The following CA12 variants were observed in gnomAD, a reference collection of about 807,000 sequenced individuals.
CA12 encodes carbonic anhydrase 12, also known as carbonate dehydratase XII.
A neutral mutation model predicts 46.8 loss-of-function variants in CA12; 36 were observed. That is an observed-to-expected ratio of 0.77 (90% CI 0.59 to 1.02). CA12 has a LOEUF of 1.02. Ranked by LOEUF, CA12 falls within the 50% of genes least tolerant of loss-of-function variation. The probability of loss-of-function intolerance (pLI) is 0.00; values close to 1 mark genes in which losing one functional copy is unlikely to be tolerated. For missense variants in CA12, 436 were observed against 451.4 expected (o/e 0.97, Z 0.31); for synonymous variants, 202 against 187.0 (o/e 1.08, Z -0.65).
intron 1 of CA12, among the ~76,000 whole-genome samples, chr15:63,381,061 CGTGT>C (rs371089894): frequency 1.3e-5 from 2 of 151,272 alleles, no homozygotes; most frequent in East Asian, 3.9e-4. Flanking sequence ...TGCGCGCGTG[CGTGT>C]GTGTGTGTAC....
chr15:63,368,200 G>A (rs1439998106), intron 2 of CA12, among the ~76,000 whole-genome samples: 1 of 152,198 alleles, frequency 6.6e-6, no homozygotes, highest in Non-Finnish European at 1.5e-5. Context: ...CCCAATTTCA[G>A]AGATGCTAAA....
rs2038865710 is a variant in CA12, at chr15:63,326,296, C to T, written c.1054G>A (p.Ala352Thr). The T allele has an allele frequency of 5.0e-6, 8 of 1,613,808 alleles. No individual in the cohort carries two copies. The highest frequency in any genetic ancestry group is 2.7e-5 in the African/African-American group (2 of 74,896). ...GAGCTCCGGGGACCTCAAGCGTGGG[C>T]CTCAGTCTCCATCTTGGTGGCTGGC... Reference protein sequence around the residue: ...YKPATKMETEAHA With the variant: ...YKPATKMETETHA Residue 352 changes from alanine to threonine, a missense_variant, in exon 11 of 11, where the codon GCC becomes ACC. Coordinates refer to ENST00000178638, the MANE Select transcript of CA12 (RefSeq NM_001218.5).
Position 63,338,845 on chromosome 15 carries a change from C to A in CA12, c.848G>T (p.Arg283Met), listed in dbSNP as rs760044616. 3 of 1,614,176 alleles carry A rather than the reference C, an allele frequency of 1.9e-6. No individual in the cohort carries two copies. In the South Asian group the frequency reaches 3.3e-5, roughly 18 times the overall value. ...TTGGGAGAAGGAGGTGTATACCAGCCTCTCATCGAACTTCTGGACCTGCCG... is the reference window on the plus strand; with the variant it reads ...TTGGGAGAAGGAGGTGTATACCAGCATCTCATCGAACTTCTGGACCTGCCG... ...NFRQVQKFDE[R>M]LVYTSFSQVQ... The change falls in exon 8 of 11, where the codon AGG becomes ATG. Residue 283 changes from arginine (R) to methionine (M), a missense_variant. Coordinates refer to ENST00000178638, the MANE Select transcript of CA12 (RefSeq NM_001218.5).
intron 1 of CA12, among the ~76,000 whole-genome samples, chr15:63,379,741 G>A (rs1278959798): frequency 1.3e-5 from 2 of 152,150 alleles, no homozygotes; most frequent in Non-Finnish European, 2.9e-5. Flanking sequence ...TCCTGTGCTG[G>A]GTGCTAGAAC....
intron 2 of CA12, among the ~76,000 whole-genome samples, chr15:63,351,674 C>T (rs1453316284): frequency 6.6e-6 from 1 of 152,198 alleles, no homozygotes; most frequent in Non-Finnish European, 1.5e-5. Flanking sequence ...TTCCAAATTT[C>T]GTCCACTCTT....
At chr15:63,375,620 T>G (rs2039560050) in intron 2 of CA12, 38 bp downstream of exon 2, 1 of 1,361,202 alleles carries the variant, frequency 7.3e-7, no homozygotes, top group South Asian at 1.2e-5. Context: ...CATTTCTATT[T>G]TCTTTTCAAC....
chr15:63,380,843 GATTA>G (rs1269342548), intron 1 of CA12, among the ~76,000 whole-genome samples: 1 of 152,196 alleles, frequency 6.6e-6, no homozygotes, highest in East Asian at 1.9e-4. Context: ...TATTCCAAAA[GATTA>G]ATGAACCAGC....
In CA12 at chr15:63,331,654, C is replaced by G. The variant is rs2038939318; in HGVS notation, c.875-3524G>C. 1 of 152,226 alleles carries G rather than the reference C, an allele frequency of 6.6e-6. No individual in the cohort carries two copies. Among genetic ancestry groups the G allele is most frequent in the African/African-American group, 2.4e-5 (1 of 41,440 alleles). The allele number at this position is 152,226 out of a possible 1,614,324, so 9.4% of individuals were successfully genotyped here. A position where few individuals can be genotyped will look rare whatever the true frequency, so the allele number is the denominator to read the frequency against. On this transcript the variant is annotated intron_variant, in intron 8 of 10. Transcript: ENST00000178638. The surrounding 1 kb of genome is among the most constrained non-coding windows in gnomAD (Gnocchi z 5.3). ...CAGAGAGACGGCAGTGTGACACACA[C>G]AAGGAAACCACACAGATATAGAAGA...
intron 8 of CA12, 124 bp downstream of exon 8, chr15:63,338,695 G>A (rs1194655657): frequency 1.4e-5 from 18 of 1,307,164 alleles, no homozygotes; most frequent in African/African-American, 1.4e-5. Context: ...TGGTTCCCGT[G>A]GCAGCCAGGG....
chr15:63,339,094 G>A lies in CA12; in HGVS notation c.748-149C>T. On this transcript the variant is annotated intron_variant, in intron 7 of 10. Coordinates refer to ENST00000178638, the MANE Select transcript of CA12 (RefSeq NM_001218.5). The surrounding 1 kb of genome is among the most constrained non-coding windows in gnomAD (Gnocchi z 4.3). ...GGTGGGAGATATTAGAAAGCAGAGG[G>A]AAAGCCACAGAACTGCTTCCCTCCA... The A allele has an allele frequency of 1.0e-6, 1 of 985,664 alleles. No individual in the cohort carries two copies. Among genetic ancestry groups the A allele is most frequent in the Non-Finnish European group, 1.5e-6 (1 of 647,126 alleles). The allele number at this position is 985,664 out of a possible 1,614,324, so 61.1% of individuals were successfully genotyped here.
At position 63,329,758 on chromosome 15, in the gene CA12, G is replaced by T. The variant is rs1339050606; in HGVS notation, c.875-1628C>A. Among the ~76,000 whole-genome samples, 2 of 152,178 alleles carry T rather than the reference G, an allele frequency of 1.3e-5. No homozygotes were observed. The highest frequency in any genetic ancestry group is 3.8e-4 in the East Asian group (2 of 5,196). On this transcript the variant is annotated intron_variant, in intron 8 of 10. Transcript: ENST00000178638. This position sits in a 1 kb window ranked among gnomAD's most constrained non-coding sequence, Gnocchi z 4.8. Reference sequence around the variant, plus strand: ...TGTAAGATGCCAGCAGGGGGCCAAGGACTCTCCCTTGGGGCCCTTAACAGC... The same window carrying T: ...TGTAAGATGCCAGCAGGGGGCCAAGTACTCTCCCTTGGGGCCCTTAACAGC...
intron 2 of CA12, among the ~76,000 whole-genome samples, chr15:63,367,361 T>G (rs1271858285): frequency 6.6e-6 from 1 of 152,228 alleles, no homozygotes; most frequent in Non-Finnish European, 1.5e-5. Flanking sequence ...CTTCAAAACT[T>G]TCTTCCACGA....
chr15:63,375,891 C>A (rs1007785612), intron 1 of CA12, among the ~76,000 whole-genome samples: 2 of 151,300 alleles, frequency 1.3e-5, no homozygotes, highest in Non-Finnish European at 2.9e-5. Context: ...CTCACTGCAA[C>A]CTCTGCCTCC....
In CA12 at chr15:63,330,083, C is replaced by A. The variant is rs542696126; in HGVS notation, c.875-1953G>T. Among the ~76,000 whole-genome samples the A allele has an allele frequency of 6.6e-6, 1 of 152,226 alleles. No individual in the cohort carries two copies. Among genetic ancestry groups the A allele is most frequent in the East Asian group, 1.9e-4 (1 of 5,196 alleles). On this transcript the variant is annotated intron_variant, in intron 8 of 10. Coordinates refer to ENST00000178638, the MANE Select transcript of CA12 (RefSeq NM_001218.5). The surrounding 1 kb of genome is among the most constrained non-coding windows in gnomAD (Gnocchi z 4.0). Reference sequence around the variant, plus strand: ...ATTCTCCCTACTCTGCTCACCACCACCAGCTGCTCATGACCTCCCAAGTGG... The same window carrying A: ...ATTCTCCCTACTCTGCTCACCACCAACAGCTGCTCATGACCTCCCAAGTGG...
At chr15:63,380,007 C>T (rs1362746598) in intron 1 of CA12, among the ~76,000 whole-genome samples, 1 of 152,228 alleles carries the variant, frequency 6.6e-6, no homozygotes, top group Non-Finnish European at 1.5e-5. Context: ...ACTTTGACCC[C>T]ATTACTCAGC....
At chr15:63,377,510 T>C (rs540635463) in intron 1 of CA12, among the ~76,000 whole-genome samples, 3 of 152,294 alleles carry the variant, frequency 2.0e-5, no homozygotes, top group South Asian at 2.1e-4. Context: ...TTTAATCTCA[T>C]ATTTTTTGTT....
At chr15:63,369,913 A>G (rs942711601) in intron 2 of CA12, among the ~76,000 whole-genome samples, 1 of 152,220 alleles carries the variant, frequency 6.6e-6, no homozygotes, top group Admixed American at 6.5e-5. Context: ...GTGAACACAA[A>G]AATGTAGGCA....
chr15:63,374,245 C>T lies in CA12; in HGVS notation c.106+1413G>A, dbSNP rs755540126. 8.5e-5 allele frequency among the ~76,000 whole-genome samples: 13 copies of T among 152,106 alleles called. No individual in the cohort carries two copies. Among genetic ancestry groups the T allele is most frequent in the Non-Finnish European group, 1.6e-4 (11 of 68,014 alleles). ...TCAACCCTTCTCCACATGCTTTCCTCGAACACCACCTTGCTCTTTCTTGCT... is the reference window on the plus strand; with the variant it reads ...TCAACCCTTCTCCACATGCTTTCCTTGAACACCACCTTGCTCTTTCTTGCT... On this transcript the variant is annotated intron_variant, in intron 2 of 10. Transcript: ENST00000178638. This position sits in a 1 kb window ranked among gnomAD's most constrained non-coding sequence, Gnocchi z 4.4.
In CA12 at chr15:63,338,759, A is replaced by T. The variant is rs531672920; in HGVS notation, c.874+60T>A. On this transcript the variant is annotated intron_variant, in intron 8 of 10. Transcript: ENST00000178638. ...AGTGCCAGAGCTGCATTCACAGAAG[A>T]TCCCAATGTCTTGGCACCACACTCC... The T allele has an allele frequency of 3.7e-3, 6,028 of 1,608,046 alleles. 17 individuals carry two copies. Among genetic ancestry groups the T allele is most frequent in the Non-Finnish European group, 4.4e-3 (5,162 of 1,176,278 alleles).
Sources: gnomAD v4.1 joint callset for allele counts (sites outside exome capture counted in the v4.1 genomes callset) on GRCh38, gnomAD v4.1.1 for gene constraint, Gnocchi (gnomAD v3.1) non-coding constraint, MANE v1.5 for transcripts, NCBI Gene and HGNC (gene_info 2026-07-23, HGNC 2026-07-21) for gene names.